ROBO2: variants seen among roughly 807,000 people sequenced by gnomAD.
The protein encoded by ROBO2 is roundabout guidance receptor 2.
In ROBO2, 53 loss-of-function variants were observed where a neutral mutation model predicts 160.8. That is an observed-to-expected ratio of 0.33 (90% CI 0.26 to 0.41). The LOEUF is 0.41. Ranked by LOEUF, ROBO2 falls within the 10% of genes least tolerant of loss-of-function variation. ROBO2 has a pLI of 1.00. For missense variants in ROBO2, 1,577 were observed against 1,722.4 expected (o/e 0.92, Z 1.49); for synonymous variants, 664 against 611.7 (o/e 1.09, Z -1.26).
intron 2 of ROBO2, among the ~76,000 whole-genome samples, chr3:76,214,027 C>G (rs987173886): frequency 6.6e-6 from 1 of 152,130 alleles, no homozygotes; most frequent in Non-Finnish European, 1.5e-5. Flanking sequence ...CTCACAGATG[C>G]ACCCAGGAAT....
intron 2 of ROBO2, among the ~76,000 whole-genome samples, chr3:76,750,126 T>G (rs1362858923): frequency 6.6e-6 from 1 of 152,158 alleles, no homozygotes; most frequent in African/African-American, 2.4e-5. Flanking sequence ...ATCCCTGGGA[T>G]GCAAGGCTGG....
intron 2 of ROBO2, among the ~76,000 whole-genome samples, chr3:76,672,547 A>G (rs533081168): frequency 2.1e-4 from 32 of 152,340 alleles, no homozygotes; most frequent in Non-Finnish European, 2.6e-4. Context: ...TATGAGAAAC[A>G]TAAGTAAAAA....
intron 2 of ROBO2, among the ~76,000 whole-genome samples, chr3:77,256,478 A>G (rs1489383029): frequency 6.6e-6 from 1 of 152,198 alleles, no homozygotes; most frequent in African/African-American, 2.4e-5. Flanking sequence ...AAAGTAAATC[A>G]TGGGACATTC....
intron 1 of ROBO2, among the ~76,000 whole-genome samples, chr3:75,918,334 A>G (rs1448692246): frequency 1.3e-5 from 2 of 152,106 alleles, no homozygotes; most frequent in Non-Finnish European, 2.9e-5. Context: ...GTTGAAGATC[A>G]GATGGTTGTA....
In ROBO2 at chr3:76,532,414, A is replaced by T. The variant is rs2082278272; in HGVS notation, c.110-565600A>T. ...GACCATTGTCATCAGAGAGTGGGAA[A>T]CAAGTCCTTTGTTTCAAATATTATG... On this transcript the variant is annotated intron_variant, in intron 2 of 26. Transcript: ENST00000487694. Among the ~76,000 whole-genome samples, 2 of 152,194 alleles carry T rather than the reference A, an allele frequency of 1.3e-5. 1 individual carries two copies. The highest frequency in any genetic ancestry group is 1.3e-4 in the Admixed American group (2 of 15,264).
chr3:76,477,234 G>C (rs1338934710), intron 2 of ROBO2, among the ~76,000 whole-genome samples: 4 of 152,130 alleles, frequency 2.6e-5, no homozygotes, highest in Non-Finnish European at 4.4e-5. Context: ...GTAAAAAGAT[G>C]ATGGGTAGGA....
intron 2 of ROBO2, among the ~76,000 whole-genome samples, chr3:77,399,640 G>GCCC (rs1386543278): frequency 2.6e-5 from 4 of 152,074 alleles, no homozygotes; most frequent in Non-Finnish European, 5.9e-5. Context: ...GATTTAATTG[G>GCCC]TCATGATAAG....
intron 2 of ROBO2, among the ~76,000 whole-genome samples, chr3:76,495,198 A>G (rs1434443869): frequency 2.1e-5 from 3 of 144,286 alleles, no homozygotes; most frequent in Non-Finnish European, 3.0e-5. Flanking sequence ...AGTGCTTTGT[A>G]TTTATCTTCA....
intron 6 of ROBO2, among the ~76,000 whole-genome samples, chr3:77,542,023 G>C (rs1390665354): frequency 6.6e-6 from 1 of 152,040 alleles, no homozygotes; most frequent in South Asian, 2.1e-4. Context: ...CTATTGTGCT[G>C]TGTTGATAAA....
intron 2 of ROBO2, among the ~76,000 whole-genome samples, chr3:76,308,325 C>T (rs1379681801): frequency 3.2e-5 from 4 of 126,788 alleles, no homozygotes; most frequent in South Asian, 2.4e-4. Flanking sequence ...TGCAATAAGG[C>T]GAGATCGCAC....
chr3:76,784,748 A>G (rs891154934), intron 2 of ROBO2, among the ~76,000 whole-genome samples: 2 of 151,094 alleles, frequency 1.3e-5, no homozygotes, highest in Non-Finnish European at 3.0e-5. Context: ...ATTGTGGCCA[A>G]TTGTTGAGAT....
At chr3:77,328,550 T>C (rs2065668098) in intron 2 of ROBO2, among the ~76,000 whole-genome samples, 1 of 152,196 alleles carries the variant, frequency 6.6e-6, no homozygotes, top group Non-Finnish European at 1.5e-5. Flanking sequence ...TGCTATGCTA[T>C]TATTTGGTGA....
At chr3:76,274,103 A>G (rs1707773161) in intron 2 of ROBO2, among the ~76,000 whole-genome samples, 1 of 152,196 alleles carries the variant, frequency 6.6e-6, no homozygotes, top group Non-Finnish European at 1.5e-5. Context: ...GGTGTTACAT[A>G]TGTTACAATG....
At chr3:77,386,272 G>T (rs2074088227) in intron 2 of ROBO2, among the ~76,000 whole-genome samples, 1 of 152,126 alleles carries the variant, frequency 6.6e-6, no homozygotes, top group African/African-American at 2.4e-5. Flanking sequence ...TTCAGAGCTT[G>T]TTCTTATAAC....
chr3:77,468,945 C>A (rs1368934026), intron 2 of ROBO2, among the ~76,000 whole-genome samples: 2 of 152,124 alleles, frequency 1.3e-5, no homozygotes, highest in Admixed American at 6.6e-5. Context: ...TTCCCATTCC[C>A]CTTCTGTGCA....
At chr3:76,528,470 C>G (rs1386149637) in intron 2 of ROBO2, among the ~76,000 whole-genome samples, 1 of 152,006 alleles carries the variant, frequency 6.6e-6, no homozygotes, top group Non-Finnish European at 1.5e-5. Context: ...CTGAGAGAAA[C>G]AGGAATCAAG....
chr3:76,887,069 A>C (rs2073948640), intron 2 of ROBO2, among the ~76,000 whole-genome samples: 1 of 152,212 alleles, frequency 6.6e-6, no homozygotes, highest in African/African-American at 2.4e-5. Context: ...ACAGATTTAA[A>C]GCAGTGTGTT....
intron 2 of ROBO2, among the ~76,000 whole-genome samples, chr3:76,280,104 G>A (rs754208640): frequency 3.9e-5 from 6 of 151,916 alleles, no homozygotes; most frequent in Non-Finnish European, 7.4e-5. Flanking sequence ...GTGTACAATA[G>A]AACATTACAA....
chr3:76,616,576 G>C (rs1398583415), intron 2 of ROBO2, among the ~76,000 whole-genome samples: 2 of 152,154 alleles, frequency 1.3e-5, no homozygotes, highest in East Asian at 3.9e-4. Context: ...GCTAAAAGAT[G>C]CAGGTTAGAA....
Sources: allele counts gnomAD v4.1 joint callset (sites outside exome capture counted in the v4.1 genomes callset), GRCh38; gene constraint gnomAD v4.1.1; transcripts MANE v1.5; gene names NCBI Gene and HGNC (gene_info 2026-07-23, HGNC 2026-07-21).